TSKU: variants seen among roughly 807,000 people sequenced by gnomAD.
TSKU encodes tsukushi, small leucine rich proteoglycan.
In TSKU, 4 loss-of-function variants were observed where a neutral mutation model predicts 11.2. The observed-to-expected ratio is 0.36, with a 90% CI of 0.18 to 0.82. TSKU has a LOEUF of 0.82. Among genes scored for constraint, TSKU ranks in the 40% least tolerant of loss-of-function variants. TSKU has a pLI of 0.50. For missense variants in TSKU, 407 were observed against 482.5 expected, an observed-to-expected ratio of 0.84 and a Z score of 1.47; for synonymous variants, 220 against 232.2, an observed-to-expected ratio of 0.95 and a Z score of 0.48.
intron 1 of TSKU, among the ~76,000 whole-genome samples, chr11:76,789,017 C>T (rs141466792): frequency 2.0e-5 from 3 of 152,152 alleles, no homozygotes; most frequent in Non-Finnish European, 2.9e-5. Flanking sequence ...CAGGGGCAGG[C>T]GGGATGGATG....
At chr11:76,795,425 A>G (rs778987147) in intron 1 of TSKU, among the ~76,000 whole-genome samples, 184 bp from the exon 2 acceptor site, 1 of 152,226 alleles carries the variant, frequency 6.6e-6, no homozygotes, top group Non-Finnish European at 1.5e-5. Context: ...CCCTTACCAT[A>G]CAAATGGAGA....
chr11:76,796,075 G>C lies in TSKU; in HGVS notation c.459G>C (p.Thr153=), dbSNP rs374281937. The C allele has an allele frequency of 1.9e-6, 3 of 1,613,874 alleles. No homozygotes were observed. The highest frequency in any genetic ancestry group is 2.5e-6 in the Non-Finnish European group (3 of 1,180,032). The part of the protein sequence containing the change: ...LREVSVSAFT[T]HSQGRALHVD... ...AGGTCTCAGTGTCTGCCTTCACGAC[G>C]CACAGTCAGGGCCGGGCACTACACG... Residue 153 remains threonine, a synonymous_variant, in exon 2 of 2, where the codon ACG becomes ACC. Transcript: ENST00000333090. This position sits in a 1 kb window ranked among gnomAD's most constrained non-coding sequence, Gnocchi z 4.1.
rs1274103719 is a variant in TSKU at position 76,796,641 on chromosome 11, C to T, written c.1025C>T (p.Thr342Ile). Residue 342 changes from threonine (T) to isoleucine (I), a missense_variant, in exon 2 of 2, where the codon ACC (threonine) becomes ATC (isoleucine). Coordinates refer to ENST00000333090, the MANE Select transcript of TSKU (RefSeq NM_015516.4). This position sits in a 1 kb window ranked among gnomAD's most constrained non-coding sequence, Gnocchi z 4.1. ...SPKVALHCVD[T>I]RDSAARGPTI... ...AAGGTGGCCCTGCACTGCGTAGACA[C>T]CCGGGATTCTGCTGCCAGGGGCCCC... The T allele has an allele frequency of 6.9e-7, 1 of 1,455,744 alleles. No individual in the cohort carries two copies. Among genetic ancestry groups the T allele is most frequent in the Non-Finnish European group, 9.1e-7 (1 of 1,100,880 alleles). 90.2% of individuals were successfully genotyped at this position (1,455,744 alleles called of 1,614,324 possible). A position where few individuals can be genotyped will look rare whatever the true frequency, so the allele number is the denominator to read the frequency against.
Position 76,796,823 on chromosome 11 carries a change from G to A in TSKU, c.*145G>A, listed in dbSNP as rs1295962325. On this transcript the variant is annotated 3_prime_UTR_variant, in exon 2 of 2. Transcript: ENST00000333090. The surrounding 1 kb of genome is among the most constrained non-coding windows in gnomAD (Gnocchi z 4.1). ...CACCACAGGAGTTGTGGGCCTAGGA[G>A]AGGCTTTGGACCTGGGAGCCACACC... The A allele has an allele frequency of 1.0e-5, 6 of 582,174 alleles. No homozygotes were observed. The highest frequency in any genetic ancestry group is 3.8e-5 in the Admixed American group (1 of 26,570). The allele number at this position is 582,174 out of a possible 1,614,324, so 36.1% of individuals were successfully genotyped here.
intron 1 of TSKU, among the ~76,000 whole-genome samples, chr11:76,787,435 C>T (rs1352319250): frequency 2.0e-5 from 3 of 152,084 alleles, no homozygotes; most frequent in African/African-American, 7.3e-5. Flanking sequence ...TGTCAGAATA[C>T]CTGGGTCCTG....
chr11:76,786,388 G>C (rs1149613), intron 1 of TSKU, among the ~76,000 whole-genome samples: 72,590 of 152,078 alleles, frequency 0.48, 18,219 homozygotes, highest in East Asian at 0.64. Flanking sequence ...CTTTTTGAAT[G>C]AAATGTGTGA....
intron 1 of TSKU, among the ~76,000 whole-genome samples, chr11:76,784,749 G>T (rs573271793): frequency 1.0e-4 from 14 of 134,402 alleles, no homozygotes; most frequent in Middle Eastern, 3.7e-3. Flanking sequence ...CCGGAGGTGG[G>T]GGGGGGGGGG....
rs141854140 is a variant in TSKU at position 76,788,640 on chromosome 11, A to G, written c.-9+5236A>G. Among the ~76,000 whole-genome samples, 8 of 152,268 alleles carry G rather than the reference A, an allele frequency of 5.3e-5. No individual in the cohort carries two copies. In the East Asian group the frequency reaches 1.5e-3, roughly 29 times the overall value. ...GCCATTCTGTCATTTAATCCTTTCA[A>G]CAAACCTGTGTTCTTAGCCCTGTTG... On this transcript the variant is annotated intron_variant, in intron 1 of 1. Transcript: ENST00000333090.
At position 76,797,718 on chromosome 11, in the gene TSKU, G is replaced by C. The variant is rs149923771; in HGVS notation, c.*1040G>C. On this transcript the variant is annotated 3_prime_UTR_variant, in exon 2 of 2. Coordinates refer to ENST00000333090, the MANE Select transcript of TSKU (RefSeq NM_015516.4). Reference sequence around the variant, plus strand: ...TTCAGTCCCCACTGGCCCTGAGCACGACAGCCCTTCTTACCCTCCCAGGAA... The same window carrying C: ...TTCAGTCCCCACTGGCCCTGAGCACCACAGCCCTTCTTACCCTCCCAGGAA... The C allele has an allele frequency of 6.0e-6, 1 of 167,026 alleles. No homozygotes were observed. Among genetic ancestry groups the C allele is most frequent in the Non-Finnish European group, 1.5e-5 (1 of 68,210 alleles). The allele number at this position is 167,026 out of a possible 1,614,324, so 10.3% of individuals were successfully genotyped here. A position where few individuals can be genotyped will look rare whatever the true frequency, so the allele number is the denominator to read the frequency against.
rs1258418020 is a variant in TSKU at position 76,797,966 on chromosome 11, T to C, written c.*1288T>C. ...GAAAAAGGTTGCATTTGTTCACTTTTGTAATATTGTCCTGGGCCTGTGTTG... is the reference window on the plus strand; with the variant it reads ...GAAAAAGGTTGCATTTGTTCACTTTCGTAATATTGTCCTGGGCCTGTGTTG... On this transcript the variant is annotated 3_prime_UTR_variant, in exon 2 of 2. Transcript: ENST00000333090. 1 of 167,188 alleles carries C rather than the reference T, an allele frequency of 6.0e-6. No individual in the cohort carries two copies. Among genetic ancestry groups the C allele is most frequent in the East Asian group, 1.9e-4 (1 of 5,198 alleles). 10.4% of individuals were successfully genotyped at this position (167,188 alleles called of 1,614,324 possible). A position where few individuals can be genotyped will look rare whatever the true frequency, so the allele number is the denominator to read the frequency against.
intron 1 of TSKU, among the ~76,000 whole-genome samples, chr11:76,794,141 G>A (rs916172278): frequency 2.0e-5 from 3 of 152,206 alleles, no homozygotes; most frequent in Non-Finnish European, 2.9e-5. Context: ...AGGGGCCACT[G>A]TGCAGGGCCG....
chr11:76,789,480 G>C (rs933033781), intron 1 of TSKU, among the ~76,000 whole-genome samples: 1 of 152,204 alleles, frequency 6.6e-6, no homozygotes, highest in Non-Finnish European at 1.5e-5. Flanking sequence ...TGTTGGGGCC[G>C]TACCATTTAC....
At position 76,795,647 on chromosome 11, in the gene TSKU, G is replaced by A. The variant is rs202220235; in HGVS notation, c.31G>A (p.Val11Met). 862 of 1,613,030 alleles carry A rather than the reference G, an allele frequency of 5.3e-4. No individual in the cohort carries two copies. Among genetic ancestry groups the A allele is most frequent in the Non-Finnish European group, 6.6e-4 (779 of 1,179,896 alleles). ...GTGGCCCCTGCTGCTGCTGCTGGCCGTGAGTGGGGCCCAGACAACCCGGCC... is the reference window on the plus strand; with the variant it reads ...GTGGCCCCTGCTGCTGCTGCTGGCCATGAGTGGGGCCCAGACAACCCGGCC... The part of the protein sequence containing the change: MPWPLLLLLA[V>M]SGAQTTRPCF... Residue 11 changes from valine to methionine, a missense_variant, in exon 2 of 2, where the codon GTG becomes ATG. Val to Met is a conservative substitution (Grantham distance 21). Coordinates refer to ENST00000333090, the MANE Select transcript of TSKU (RefSeq NM_015516.4).
In TSKU at chr11:76,796,408, C is replaced by T. The variant is rs371739668; in HGVS notation, c.792C>T (p.Asn264=). ...PGLQVLDLSG[N]PKLNWAGAEV... Reference sequence around the variant, plus strand: ...TGCAGGTCCTGGACCTGTCGGGCAACCCCAAGCTTAACTGGGCAGGAGCTG... The same window carrying T: ...TGCAGGTCCTGGACCTGTCGGGCAATCCCAAGCTTAACTGGGCAGGAGCTG... Residue 264 remains asparagine, a synonymous_variant, in exon 2 of 2, where the codon AAC becomes AAT. Transcript: ENST00000333090. This position sits in a 1 kb window ranked among gnomAD's most constrained non-coding sequence, Gnocchi z 4.1. 9 of 1,613,428 alleles carry T rather than the reference C, an allele frequency of 5.6e-6. No homozygotes were observed. In the African/African-American group the frequency reaches 1.2e-4, roughly 22 times the overall value.
At chr11:76,789,831 C>T (rs1149618) in intron 1 of TSKU, among the ~76,000 whole-genome samples, 23,124 of 152,104 alleles carry the variant, frequency 0.15, 2,262 homozygotes, top group East Asian at 0.47. Context: ...AGTGTGAATA[C>T]TGTTACACAG....
chr11:76,796,425 C>G lies in TSKU; in HGVS notation c.809C>G (p.Ala270Gly). The G allele has an allele frequency of 6.2e-7, 1 of 1,613,602 alleles. No homozygotes were observed. The highest frequency in any genetic ancestry group is 8.5e-7 in the Non-Finnish European group (1 of 1,179,982). The change falls in exon 2 of 2, where the codon GCA becomes GGA. Residue 270 changes from alanine (A) to glycine (G), a missense_variant. Coordinates refer to ENST00000333090, the MANE Select transcript of TSKU (RefSeq NM_015516.4). This position sits in a 1 kb window ranked among gnomAD's most constrained non-coding sequence, Gnocchi z 4.1. ...TCGGGCAACCCCAAGCTTAACTGGGCAGGAGCTGAGGTGTTTTCAGGCCTG... is the reference window on the plus strand; with the variant it reads ...TCGGGCAACCCCAAGCTTAACTGGGGAGGAGCTGAGGTGTTTTCAGGCCTG... Reference protein sequence around the residue: ...DLSGNPKLNWAGAEVFSGLSS... With the variant: ...DLSGNPKLNWGGAEVFSGLSS...
intron 1 of TSKU, among the ~76,000 whole-genome samples, chr11:76,788,565 T>C (rs1419184147): frequency 2.0e-5 from 3 of 152,166 alleles, no homozygotes; most frequent in Admixed American, 1.3e-4. Flanking sequence ...TCACCGTCAT[T>C]GTCTACCACA....
chr11:76,791,309 G>T (rs1298461624), intron 1 of TSKU, among the ~76,000 whole-genome samples: 2 of 152,216 alleles, frequency 1.3e-5, no homozygotes, highest in Non-Finnish European at 2.9e-5. Context: ...CATTTTCTGA[G>T]GAGACATTTA....
In TSKU at chr11:76,797,563, G is replaced by C. The variant is rs1315181609; in HGVS notation, c.*885G>C. On this transcript the variant is annotated 3_prime_UTR_variant, in exon 2 of 2. Coordinates refer to ENST00000333090, the MANE Select transcript of TSKU (RefSeq NM_015516.4). Reference sequence around the variant, plus strand: ...CCAGCCTAGCCAGTTTCTCACCCTGGGTTGGGGTCCCCCAGCATCCAGACT... The same window carrying C: ...CCAGCCTAGCCAGTTTCTCACCCTGCGTTGGGGTCCCCCAGCATCCAGACT... The C allele has an allele frequency of 1.2e-5, 2 of 167,180 alleles. No homozygotes were observed. The highest frequency in any genetic ancestry group is 2.9e-5 in the Non-Finnish European group (2 of 68,204). 10.4% of individuals were successfully genotyped at this position (167,180 alleles called of 1,614,324 possible). A position where few individuals can be genotyped will look rare whatever the true frequency, so the allele number is the denominator to read the frequency against.
Sources: gnomAD v4.1 joint callset for allele counts (sites outside exome capture counted in the v4.1 genomes callset) on GRCh38, gnomAD v4.1.1 for gene constraint, Gnocchi (gnomAD v3.1) non-coding constraint, MANE v1.5 for transcripts, NCBI Gene and HGNC (gene_info 2026-07-23, HGNC 2026-07-21) for gene names.